The following TECRL variants were observed in gnomAD, a reference collection of about 807,000 sequenced individuals.
The protein encoded by TECRL is trans-2,3-enoyl-CoA reductase like.
TECRL carries 63 observed loss-of-function variants against 52.8 expected under a neutral mutation model. The ratio of observed to expected loss-of-function variants is 1.19; its 90% CI spans 0.97 to 1.47. The LOEUF is 1.47. Ranked by LOEUF, TECRL falls within the 40% of genes most tolerant of loss-of-function variation. The pLI, the probability that TECRL is intolerant of heterozygous loss-of-function variation, is 0.00. For synonymous variants in TECRL, 164 were observed against 141.9 expected, an observed-to-expected ratio of 1.16 and a Z score of -1.10; for missense variants, 482 against 429.6, an observed-to-expected ratio of 1.12 and a Z score of -1.08.
chr4:64,375,484 A>G (rs1426239333), intron 1 of TECRL, among the ~76,000 whole-genome samples: 1 of 151,974 alleles, frequency 6.6e-6, no homozygotes, highest in Non-Finnish European at 1.5e-5. Flanking sequence ...CCTAAGATAT[A>G]TTTTTGAATT....
At chr4:64,315,880 C>G (rs1717463764) in intron 4 of TECRL, among the ~76,000 whole-genome samples, 1 of 151,932 alleles carries the variant, frequency 6.6e-6, no homozygotes, top group Non-Finnish European at 1.5e-5. Context: ...TATATATTTT[C>G]TCATGTACCA....
rs67324937 is a variant in TECRL, at chr4:64,406,147, G to GGCGCGC, written c.234+2965_234+2970dup. On this transcript the variant is annotated intron_variant, in intron 1 of 11. Coordinates refer to ENST00000381210, the MANE Select transcript of TECRL (RefSeq NM_001010874.5). ...CAAGAGAAAGCTTTTTTATTTGTTA[G>GGCGCGC]GCGCGCGCGCGCGCGCGCGTGTGTG... Among the ~76,000 whole-genome samples the GGCGCGC allele has an allele frequency of 8.9e-5, 13 of 146,564 alleles. No individual in the cohort carries two copies. The East Asian group carries it at 2.2e-3, about 25-fold the overall frequency.
chr4:64,398,193 A>G (rs139299579), intron 1 of TECRL, among the ~76,000 whole-genome samples: 419 of 152,278 alleles, frequency 2.8e-3, no homozygotes, highest in African/African-American at 9.3e-3. Context: ...TCTGTGCCAT[A>G]GCCATTTCCT....
At chr4:64,404,002 G>A (rs550199163) in intron 1 of TECRL, among the ~76,000 whole-genome samples, 42 of 152,100 alleles carry the variant, frequency 2.8e-4, no homozygotes, top group African/African-American at 9.6e-4. Context: ...TAAGTATCAT[G>A]TACAAGGTAA....
In TECRL at chr4:64,386,543, G is replaced by A. The variant is rs1369210135; in HGVS notation, c.235-11320C>T. Among the ~76,000 whole-genome samples, 3 of 152,038 alleles carry A rather than the reference G, an allele frequency of 2.0e-5. No individual in the cohort carries two copies. The East Asian group carries it at 5.8e-4, about 29-fold the overall frequency. Reference sequence around the variant, plus strand: ...CAGCGTAGAGGACAAAGTATGGGAAGTGATTTTTGGATATGTAGTTTTTCC... The same window carrying A: ...CAGCGTAGAGGACAAAGTATGGGAAATGATTTTTGGATATGTAGTTTTTCC... On this transcript the variant is annotated intron_variant, in intron 1 of 11. Coordinates refer to ENST00000381210, the MANE Select transcript of TECRL (RefSeq NM_001010874.5).
At chr4:64,361,941 T>G (rs1479845296) in intron 2 of TECRL, among the ~76,000 whole-genome samples, 2 of 152,032 alleles carry the variant, frequency 1.3e-5, no homozygotes, top group Admixed American at 6.6e-5. Flanking sequence ...AAGGTTAAAA[T>G]CCAATCCAAG....
At chr4:64,296,088 T>C (rs188324434) in intron 8 of TECRL, among the ~76,000 whole-genome samples, 14 of 152,052 alleles carry the variant, frequency 9.2e-5, no homozygotes, top group Non-Finnish European at 2.1e-4. Context: ...GGTAGGTAAG[T>C]GATCAGAAAA....
chr4:64,308,600 T>A (rs1724487959), intron 6 of TECRL, among the ~76,000 whole-genome samples: 1 of 152,196 alleles, frequency 6.6e-6, no homozygotes, highest in South Asian at 2.1e-4. Flanking sequence ...AGGTACCCTC[T>A]AGCTGCTGAG....
chr4:64,391,566 T>C (rs1198006140), intron 1 of TECRL, among the ~76,000 whole-genome samples: 1 of 151,878 alleles, frequency 6.6e-6, no homozygotes, highest in African/African-American at 2.4e-5. Flanking sequence ...AACTTAATTA[T>C]CTAAGAAATC....
intron 1 of TECRL, among the ~76,000 whole-genome samples, chr4:64,380,543 T>C (rs752904647): frequency 1.8e-4 from 27 of 152,090 alleles, no homozygotes; most frequent in Non-Finnish European, 3.4e-4. Context: ...GGTCTTAGCA[T>C]ATAAGTTTCC....
intron 5 of TECRL, among the ~76,000 whole-genome samples, chr4:64,310,345 A>C (rs1159523346): frequency 6.6e-6 from 1 of 152,206 alleles, no homozygotes; most frequent in African/African-American, 2.4e-5. Flanking sequence ...AGTCAGAATA[A>C]CTTTTTAATT....
intron 1 of TECRL, among the ~76,000 whole-genome samples, chr4:64,406,161 C>A (rs80337835): frequency 4.5e-4 from 67 of 149,672 alleles, no homozygotes; most frequent in African/African-American, 1.7e-3. Flanking sequence ...CGCGCGCGCG[C>A]GCGCGTGTGT....
In TECRL at chr4:64,336,967, A is replaced by G. The variant is rs149482135; in HGVS notation, c.287-8411T>C. 5.5e-3 allele frequency among the ~76,000 whole-genome samples: 830 copies of G among 152,240 alleles called. 10 individuals carry two copies. The highest frequency in any genetic ancestry group is 0.018 in the African/African-American group (755 of 41,530). On this transcript the variant is annotated intron_variant, in intron 2 of 11. Coordinates refer to ENST00000381210, the MANE Select transcript of TECRL (RefSeq NM_001010874.5). ...CTGGAATAGGTGTGGTGTGGTGCTGAGAAGAATGTATATTCTGTTGATTTG... is the reference window on the plus strand; with the variant it reads ...CTGGAATAGGTGTGGTGTGGTGCTGGGAAGAATGTATATTCTGTTGATTTG...
chr4:64,364,389 C>T (rs577157779), intron 2 of TECRL, among the ~76,000 whole-genome samples: 6 of 151,680 alleles, frequency 4.0e-5, no homozygotes, highest in South Asian at 2.1e-4. Context: ...AGCTAGTAGG[C>T]AGAAAGAAAT....
chr4:64,294,125 T>A (rs995859254), intron 8 of TECRL, among the ~76,000 whole-genome samples: 1 of 151,746 alleles, frequency 6.6e-6, no homozygotes, highest in Non-Finnish European at 1.5e-5. Flanking sequence ...TAACTGGGAT[T>A]ACAGGTGCAT....
In TECRL at chr4:64,335,910, C is replaced by T. The variant is rs182427034; in HGVS notation, c.287-7354G>A. Among the ~76,000 whole-genome samples, 33 of 152,158 alleles carry T rather than the reference C, an allele frequency of 2.2e-4. No individual in the cohort carries two copies. The South Asian group carries it at 2.9e-3, about 13-fold the overall frequency. On this transcript the variant is annotated intron_variant, in intron 2 of 11. Transcript: ENST00000381210. ...AAGCCTTTTGATGTGCTGCTGGATT[C>T]GGTTTGCCAGTATTTTATTGAGAAT...
intron 9 of TECRL, among the ~76,000 whole-genome samples, 196 bp downstream of exon 9, chr4:64,289,514 A>G (rs1157535025): frequency 6.6e-6 from 1 of 152,136 alleles, no homozygotes; most frequent in Non-Finnish European, 1.5e-5. Flanking sequence ...TGCACACTTC[A>G]TTTTAGAGAA....
At chr4:64,349,186 G>A (rs1175299993) in intron 2 of TECRL, among the ~76,000 whole-genome samples, 3 of 17,726 alleles carry the variant, frequency 1.7e-4, no homozygotes, top group African/African-American at 2.9e-4. Context: ...AGGCTGTAGT[G>A]CAATGGAATG....
intron 2 of TECRL, among the ~76,000 whole-genome samples, chr4:64,364,014 G>A (rs1235091308): frequency 2.0e-5 from 3 of 151,990 alleles, no homozygotes; most frequent in Admixed American, 1.3e-4. Context: ...ACTTGGCCAT[G>A]AAGCAATTCT....
Sources: allele counts gnomAD v4.1 joint callset (sites outside exome capture counted in the v4.1 genomes callset), GRCh38; gene constraint gnomAD v4.1.1; transcripts MANE v1.5; gene names NCBI Gene and HGNC (gene_info 2026-07-23, HGNC 2026-07-21).